The following PCSK6 variants were observed in gnomAD, a reference collection of about 807,000 sequenced individuals.
PCSK6 encodes proprotein convertase subtilisin/kexin type 6.
In PCSK6, 85 loss-of-function variants were observed where a neutral mutation model predicts 123.3. The observed-to-expected ratio is 0.69, with a 90% CI of 0.58 to 0.83. The LOEUF is 0.83. Among genes scored for constraint, PCSK6 ranks in the 40% least tolerant of loss-of-function variants. PCSK6 has a pLI of 0.00. For synonymous variants in PCSK6, 508 were observed against 516.0 expected (o/e 0.98, Z 0.21); for missense variants, 1,191 against 1,282.3 (o/e 0.93, Z 1.09).
At chr15:101,483,126 A>G (rs2057932113) in intron 1 of PCSK6, among the ~76,000 whole-genome samples, 1 of 152,168 alleles carries the variant, frequency 6.6e-6, no homozygotes, top group South Asian at 2.1e-4. Context: ...CAGAGCATAA[A>G]ACCAAGACAG....
At chr15:101,438,708 C>T (rs1332968396) in intron 2 of PCSK6, among the ~76,000 whole-genome samples, 4 of 152,250 alleles carry the variant, frequency 2.6e-5, no homozygotes, top group Non-Finnish European at 5.9e-5. Flanking sequence ...CCCCTGCCGA[C>T]TCTGTCTGTC....
chr15:101,365,444 A>G, intron 13 of PCSK6, among the ~76,000 whole-genome samples: 1 of 152,206 alleles, frequency 6.6e-6, no homozygotes, highest in East Asian at 1.9e-4. Flanking sequence ...TGGACCTCTC[A>G]TATATTGCTG....
intron 1 of PCSK6, among the ~76,000 whole-genome samples, chr15:101,460,434 C>T (rs192438153): frequency 2.6e-5 from 4 of 152,330 alleles, no homozygotes; most frequent in Middle Eastern, 3.4e-3. Context: ...CAAACACCTG[C>T]TCCTCCTACA....
chr15:101,324,112 C>A (rs2040194291), intron 17 of PCSK6, among the ~76,000 whole-genome samples: 2 of 152,234 alleles, frequency 1.3e-5, no homozygotes, highest in African/African-American at 4.8e-5. Flanking sequence ...AGTCCCACCT[C>A]CATCATGACT....
intron 1 of PCSK6, among the ~76,000 whole-genome samples, chr15:101,484,046 C>T (rs994303928): frequency 6.6e-6 from 1 of 152,102 alleles, no homozygotes; most frequent in Non-Finnish European, 1.5e-5. Flanking sequence ...CGTCAATATA[C>T]GTGTGTTTAT....
chr15:101,436,941 C>T (rs1440115730), intron 2 of PCSK6, among the ~76,000 whole-genome samples: 9 of 152,200 alleles, frequency 5.9e-5, no homozygotes, highest in South Asian at 4.1e-4. Context: ...TGACAGGCGA[C>T]GATTCATGCA....
At chr15:101,467,224 T>G (rs562876170) in intron 1 of PCSK6, among the ~76,000 whole-genome samples, 1 of 151,906 alleles carries the variant, frequency 6.6e-6, no homozygotes, top group Non-Finnish European at 1.5e-5. Context: ...AAAGAAACTC[T>G]GGCATTTGTG....
At chr15:101,469,012 G>A (rs2057535617) in intron 1 of PCSK6, among the ~76,000 whole-genome samples, 1 of 152,108 alleles carries the variant, frequency 6.6e-6, no homozygotes, top group African/African-American at 2.4e-5. Context: ...GCTGGGATTC[G>A]TACCCAGCTC....
At chr15:101,323,177 G>T (rs2040169567) in intron 17 of PCSK6, among the ~76,000 whole-genome samples, 1 of 152,164 alleles carries the variant, frequency 6.6e-6, no homozygotes, top group Non-Finnish European at 1.5e-5. Context: ...TAAGTGGCTG[G>T]GGTGCTCTGG....
chr15:101,425,241 T>C (rs1391789939), intron 6 of PCSK6, among the ~76,000 whole-genome samples: 1 of 152,060 alleles, frequency 6.6e-6, no homozygotes, highest in East Asian at 1.9e-4. Context: ...AGGTGTGGGG[T>C]TGAGGCTGGC....
At chr15:101,385,798 A>G (rs879445463) in intron 9 of PCSK6, among the ~76,000 whole-genome samples, 6 of 152,228 alleles carry the variant, frequency 3.9e-5, no homozygotes, top group Non-Finnish European at 7.3e-5. Context: ...AATGAAAGGA[A>G]TATATTTTTG....
intron 20 of PCSK6, among the ~76,000 whole-genome samples, chr15:101,309,412 G>T (rs1334382657): frequency 6.6e-6 from 1 of 152,214 alleles, no homozygotes; most frequent in African/African-American, 2.4e-5. Context: ...TTTGGGCAGG[G>T]TGGCTTTTAA....
At chr15:101,334,546 G>C (rs1245822570) in intron 13 of PCSK6, 1 of 152,244 alleles carries the variant, frequency 6.6e-6, no homozygotes, top group Non-Finnish European at 1.5e-5. Flanking sequence ...CAGCTCCTTA[G>C]GGTCCAGTTA....
intron 1 of PCSK6, among the ~76,000 whole-genome samples, chr15:101,477,288 C>A (rs958865577): frequency 3.9e-5 from 6 of 152,028 alleles, no homozygotes; most frequent in African/African-American, 1.5e-4. Context: ...TGCATGCATA[C>A]CTACACAGGT....
intron 20 of PCSK6, among the ~76,000 whole-genome samples, chr15:101,311,723 C>T (rs2039869537): frequency 3.0e-5 from 1 of 33,468 alleles, no homozygotes; most frequent in Non-Finnish European, 5.7e-5. Flanking sequence ...CCTCACAGCC[C>T]ACCCCATCGT....
At chr15:101,433,108 C>T (rs1033194787) in intron 2 of PCSK6, among the ~76,000 whole-genome samples, 14 of 152,356 alleles carry the variant, frequency 9.2e-5, no homozygotes, top group African/African-American at 2.9e-4. Flanking sequence ...AGGATCAAGG[C>T]ACCAGGCCAC....
At position 101,318,344 on chromosome 15, in the gene PCSK6, G is replaced by A. The variant is rs745341433; in HGVS notation, c.2544C>T (p.Cys848=). ...CCACGCAGGTTCCGCAGGTGTGATG[G>A]CATTCCCCACATCTGATCAGCTCTG... is the stretch of plus-strand genomic sequence containing the variant. ...FDSELIRCGE[C]HHTCGTCVGP... is the part of the protein sequence containing the mutation. Residue 848 remains cysteine (C), a synonymous_variant, in exon 19 of 22, where the codon TGC becomes TGT. Coordinates refer to ENST00000611716, the MANE Select transcript of PCSK6 (RefSeq NM_002570.5). 5 of 1,562,302 alleles carry A rather than the reference G, an allele frequency of 3.2e-6. No homozygotes were observed. Among genetic ancestry groups the A allele is most frequent in the Non-Finnish European group, 4.3e-6 (5 of 1,153,274 alleles).
chr15:101,379,290 G>A (rs752198322), intron 11 of PCSK6, among the ~76,000 whole-genome samples: 7 of 152,196 alleles, frequency 4.6e-5, no homozygotes, highest in Non-Finnish European at 1.0e-4. Flanking sequence ...GACCAGAGGG[G>A]TGGACGTATG....
intron 10 of PCSK6, among the ~76,000 whole-genome samples, chr15:101,383,772 A>AT (rs2041975700): frequency 6.6e-6 from 1 of 152,218 alleles, no homozygotes; most frequent in Non-Finnish European, 1.5e-5. Context: ...ATTTATTTTA[A>AT]TAATTATGGA....
Sources: allele counts gnomAD v4.1 joint callset (sites outside exome capture counted in the v4.1 genomes callset), GRCh38; gene constraint gnomAD v4.1.1; transcripts MANE v1.5; gene names NCBI Gene and HGNC (gene_info 2026-07-23, HGNC 2026-07-21).